EYS: variants seen among roughly 807,000 people sequenced by gnomAD.
The protein encoded by EYS is protein eyes shut homolog.
EYS carries 250 observed loss-of-function variants against 282.1 expected under a neutral mutation model. The observed-to-expected ratio is 0.89, with a 90% CI of 0.80 to 0.98. EYS has a LOEUF of 0.98. Among genes scored for constraint, EYS ranks in the 50% least tolerant of loss-of-function variants. EYS has a pLI of 0.00. For missense variants in EYS, 4,016 were observed against 3,709.0 expected (o/e 1.08, Z -2.15); for synonymous variants, 1,355 against 1,282.9 (o/e 1.06, Z -1.20).
At chr6:63,793,041 ATATAT>A (rs1210872996) in intron 37 of EYS, among the ~76,000 whole-genome samples, 2 of 152,180 alleles carry the variant, frequency 1.3e-5, no homozygotes, top group African/African-American at 4.8e-5. Context: ...TACAAGGTAA[ATATAT>A]TATGTTTAAT....
chr6:64,804,479 G>A (rs139938764), intron 22 of EYS, among the ~76,000 whole-genome samples: 1 of 152,076 alleles, frequency 6.6e-6, no homozygotes, highest in Non-Finnish European at 1.5e-5. Flanking sequence ...TGGTAATTAT[G>A]CCAAACAAAC....
At chr6:65,617,948 A>G (rs1301486343) in intron 2 of EYS, among the ~76,000 whole-genome samples, 3 of 151,900 alleles carry the variant, frequency 2.0e-5, no homozygotes, top group Non-Finnish European at 4.4e-5. Context: ...AATCCAGTCT[A>G]TCATTGTTGG....
chr6:65,418,764 A>C (rs1263194407), intron 5 of EYS, among the ~76,000 whole-genome samples: 2 of 151,964 alleles, frequency 1.3e-5, no homozygotes, highest in Non-Finnish European at 2.9e-5. Flanking sequence ...GCAGCAAACC[A>C]TCATGACAAA....
intron 33 of EYS, among the ~76,000 whole-genome samples, chr6:64,038,687 T>A (rs983964936): frequency 1.3e-5 from 2 of 151,978 alleles, no homozygotes; most frequent in African/African-American, 2.4e-5. Flanking sequence ...TCCATTTTTT[T>A]AATGATATGA....
intron 26 of EYS, among the ~76,000 whole-genome samples, chr6:64,476,297 T>C (rs956885140): frequency 4.6e-5 from 7 of 152,140 alleles, no homozygotes; most frequent in African/African-American, 1.7e-4. Context: ...ATGAGTCACA[T>C]TTCAGATGCT....
chr6:65,669,365 T>G (rs551889002), intron 1 of EYS, among the ~76,000 whole-genome samples: 1 of 152,106 alleles, frequency 6.6e-6, no homozygotes, highest in East Asian at 1.9e-4. Flanking sequence ...ACTTAAATAA[T>G]TTTAAAGGCA....
At chr6:65,619,269 G>A (rs375341800) in intron 2 of EYS, among the ~76,000 whole-genome samples, 2,185 of 150,920 alleles carry the variant, frequency 0.014, 58 homozygotes, top group African/African-American at 0.049. Flanking sequence ...GGTCCTTCAC[G>A]TCCCTTGTAA....
At chr6:63,912,895 G>T (rs72872869) in intron 35 of EYS, among the ~76,000 whole-genome samples, 9,912 of 151,500 alleles carry the variant, frequency 0.065, 399 homozygotes, top group African/African-American at 0.12. Flanking sequence ...CCTCAGAACT[G>T]TGAGCCAATT....
chr6:65,440,826 G>C (rs955551265), intron 5 of EYS, among the ~76,000 whole-genome samples: 15 of 145,078 alleles, frequency 1.0e-4, no homozygotes, highest in Non-Finnish European at 1.8e-4. Context: ...TAATTCCTTT[G>C]TGTAGAAAAA....
chr6:64,037,054 T>C (rs1770158905), intron 33 of EYS, among the ~76,000 whole-genome samples: 1 of 152,196 alleles, frequency 6.6e-6, no homozygotes, highest in Admixed American at 6.5e-5. Context: ...CTAGATCATA[T>C]AATAGGCAAC....
chr6:64,833,604 C>G (rs566857741), intron 19 of EYS, among the ~76,000 whole-genome samples: 21 of 151,880 alleles, frequency 1.4e-4, no homozygotes, highest in Non-Finnish European at 2.5e-4. Context: ...CATATAACAA[C>G]AAAAATGTGT....
At chr6:65,474,526 C>G (rs189497700) in intron 5 of EYS, among the ~76,000 whole-genome samples, 42 of 152,088 alleles carry the variant, frequency 2.8e-4, no homozygotes, top group African/African-American at 9.6e-4. Context: ...TCTATTGAAG[C>G]TTATTGTGGA....
intron 22 of EYS, among the ~76,000 whole-genome samples, chr6:64,683,610 A>G (rs141946691): frequency 2.6e-5 from 4 of 152,094 alleles, no homozygotes; most frequent in Non-Finnish European, 5.9e-5. Context: ...ATGTCCTAGG[A>G]TAGGAGATAA....
intron 12 of EYS, among the ~76,000 whole-genome samples, chr6:65,213,483 A>G (rs150926679): frequency 6.6e-5 from 10 of 152,306 alleles, no homozygotes; most frequent in African/African-American, 1.7e-4. Flanking sequence ...TTCCAACAGC[A>G]TATGCTCACT....
intron 1 of EYS, among the ~76,000 whole-genome samples, chr6:65,660,197 T>C (rs1265703977): frequency 4.0e-5 from 6 of 151,784 alleles, no homozygotes; most frequent in Non-Finnish European, 7.4e-5. Flanking sequence ...TGGTCCTGCA[T>C]AGGGGTAGTG....
At chr6:64,629,539 G>A (rs1767715342) in intron 22 of EYS, among the ~76,000 whole-genome samples, 1 of 151,884 alleles carries the variant, frequency 6.6e-6, no homozygotes, top group South Asian at 2.1e-4. Flanking sequence ...ACATATCTTT[G>A]ATTTCTTTCA....
chr6:63,937,876 T>C (rs1359385670), intron 35 of EYS, among the ~76,000 whole-genome samples: 1 of 152,250 alleles, frequency 6.6e-6, no homozygotes, highest in Non-Finnish European at 1.5e-5. Context: ...TTATACAGTC[T>C]ATGGTATTTT....
At chr6:64,296,103 T>G (rs557997331) in intron 30 of EYS, among the ~76,000 whole-genome samples, 1 of 152,304 alleles carries the variant, frequency 6.6e-6, no homozygotes, top group East Asian at 1.9e-4. Context: ...CATTCCACTT[T>G]TTAACTCACC....
At chr6:64,106,869 C>G (rs1204887066) in intron 31 of EYS, among the ~76,000 whole-genome samples, 1 of 150,568 alleles carries the variant, frequency 6.6e-6, no homozygotes, top group African/African-American at 2.4e-5. Context: ...TTTTCCCAGT[C>G]TTTTTTTTTC....
Sources: allele counts gnomAD v4.1 joint callset (sites outside exome capture counted in the v4.1 genomes callset), GRCh38; gene constraint gnomAD v4.1.1; transcripts MANE v1.5; gene names NCBI Gene and HGNC (gene_info 2026-07-23, HGNC 2026-07-21).